The following FRMD4B variants were observed in gnomAD, a reference collection of about 807,000 sequenced individuals.
FRMD4B encodes FERM domain-containing protein 4B.
A neutral mutation model predicts 141.5 loss-of-function variants in FRMD4B; 74 were observed. That is an observed-to-expected ratio of 0.52 (90% CI 0.43 to 0.63). The LOEUF is 0.63. FRMD4B is among the 30% of genes least tolerant of loss of function. The probability of loss-of-function intolerance (pLI) is 0.00; values close to 1 mark genes in which losing one functional copy is unlikely to be tolerated. For missense variants in FRMD4B, 1,366 were observed against 1,253.4 expected (o/e 1.09, Z -1.36); for synonymous variants, 506 against 467.9 (o/e 1.08, Z -1.05).
chr3:69,209,964 T>A (rs1354293689), intron 11 of FRMD4B, among the ~76,000 whole-genome samples: 1 of 152,192 alleles, frequency 6.6e-6, no homozygotes, highest in Non-Finnish European at 1.5e-5. Context: ...AATAACCAAG[T>A]CACTGTCTTT....
chr3:69,510,229 A>T, intron 1 of FRMD4B, among the ~76,000 whole-genome samples: 1 of 152,116 alleles, frequency 6.6e-6, no homozygotes, highest in Non-Finnish European at 1.5e-5. Flanking sequence ...GATTTTTGTT[A>T]TTAGCTCAAA....
At chr3:69,310,403 T>C (rs1286792117) in intron 3 of FRMD4B, 1 of 454,786 alleles carries the variant, frequency 2.2e-6, no homozygotes, top group Non-Finnish European at 4.4e-6. Context: ...ATTTTATGTC[T>C]GGAACACATC....
intron 5 of FRMD4B, among the ~76,000 whole-genome samples, chr3:69,280,456 T>G (rs1254665140): frequency 6.6e-6 from 1 of 152,072 alleles, no homozygotes; most frequent in Non-Finnish European, 1.5e-5. Context: ...AAGTGTTGCT[T>G]TGTCCCGAGT....
chr3:69,413,895 A>C (rs1704804206), intron 2 of FRMD4B, among the ~76,000 whole-genome samples: 1 of 152,150 alleles, frequency 6.6e-6, no homozygotes, highest in Admixed American at 6.5e-5. Flanking sequence ...AAGTGGAGAG[A>C]AATTTCTATT....
chr3:69,534,504 G>T (rs1208214778), intron 1 of FRMD4B, among the ~76,000 whole-genome samples: 2 of 152,198 alleles, frequency 1.3e-5, no homozygotes, highest in African/African-American at 4.8e-5. Flanking sequence ...TCTAAGTCCA[G>T]TGCTCCTGAA....
intron 17 of FRMD4B, among the ~76,000 whole-genome samples, chr3:69,193,205 T>C (rs2107641116): frequency 6.6e-6 from 1 of 152,198 alleles, no homozygotes; most frequent in African/African-American, 2.4e-5. Flanking sequence ...TCCAAACAAT[T>C]TTTATCCTAA....
At chr3:69,453,634 A>G (rs1422688166) in intron 1 of FRMD4B, among the ~76,000 whole-genome samples, 1 of 152,172 alleles carries the variant, frequency 6.6e-6, no homozygotes, top group Non-Finnish European at 1.5e-5. Flanking sequence ...TAGAAAACCA[A>G]TCTCAGCATG....
chr3:69,540,693 G>T (rs1463618539), intron 1 of FRMD4B, among the ~76,000 whole-genome samples: 1 of 78,726 alleles, frequency 1.3e-5, no homozygotes, highest in African/African-American at 6.4e-5. Context: ...ACACACACAC[G>T]GCAGTTATTG....
intron 1 of FRMD4B, among the ~76,000 whole-genome samples, chr3:69,469,453 T>C (rs1418715587): frequency 1.3e-5 from 2 of 152,212 alleles, no homozygotes; most frequent in Non-Finnish European, 2.9e-5. Flanking sequence ...ATCCCTTTCA[T>C]CTCTTCTTTT....
At chr3:69,186,576 A>G (rs1374454856) in intron 19 of FRMD4B, among the ~76,000 whole-genome samples, 1 of 152,128 alleles carries the variant, frequency 6.6e-6, no homozygotes, top group Non-Finnish European at 1.5e-5. Flanking sequence ...GCCAGGCATG[A>G]TGGCGCGTGC....
chr3:69,422,180 A>G (rs937564467), intron 2 of FRMD4B, among the ~76,000 whole-genome samples: 2 of 152,118 alleles, frequency 1.3e-5, no homozygotes, highest in African/African-American at 4.8e-5. Context: ...ACTTGAGGTC[A>G]GAAGATCGAG....
chr3:69,222,227 C>T (rs2093202967), intron 8 of FRMD4B, among the ~76,000 whole-genome samples: 3 of 151,940 alleles, frequency 2.0e-5, no homozygotes, highest in Admixed American at 2.0e-4. Flanking sequence ...AATCCCAGCA[C>T]TTTAGGAGGC....
intron 5 of FRMD4B, among the ~76,000 whole-genome samples, chr3:69,265,581 G>A (rs1323966228): frequency 6.7e-6 from 1 of 150,344 alleles, no homozygotes; most frequent in Non-Finnish European, 1.5e-5. Flanking sequence ...CCGAGTAGCT[G>A]GGACTATAGG....
intron 1 of FRMD4B, among the ~76,000 whole-genome samples, chr3:69,476,272 C>T (rs911168689): frequency 2.6e-5 from 4 of 152,022 alleles, no homozygotes; most frequent in Non-Finnish European, 5.9e-5. Context: ...ACATGAAGTC[C>T]TTGCCCATGC....
In FRMD4B at chr3:69,277,908, T is replaced by C. The variant is rs541711171; in HGVS notation, c.501+9844A>G. On this transcript the variant is annotated intron_variant, in intron 5 of 22. Coordinates refer to ENST00000398540, the MANE Select transcript of FRMD4B (RefSeq NM_015123.3). ...TCTCGCTCTGTCTCCCAGGCTGGAG[T>C]ACAGTGGCCCGATCTCGGCTCACTA... Among the ~76,000 whole-genome samples, 14 of 150,222 alleles carry C rather than the reference T, an allele frequency of 9.3e-5. No individual in the cohort carries two copies. In the East Asian group the frequency reaches 2.8e-3, roughly 30 times the overall value.
chr3:69,534,507 C>A (rs917686820), intron 1 of FRMD4B, among the ~76,000 whole-genome samples: 11 of 152,200 alleles, frequency 7.2e-5, no homozygotes, highest in African/African-American at 2.7e-4. Context: ...AAGTCCAGTG[C>A]TCCTGAACTG....
intron 5 of FRMD4B, among the ~76,000 whole-genome samples, chr3:69,282,766 T>C (rs1236736648): frequency 2.0e-5 from 3 of 151,608 alleles, no homozygotes; most frequent in Non-Finnish European, 4.4e-5. Flanking sequence ...GCCTCCGGAG[T>C]AGGTGGAATT....
At chr3:69,353,100 AAAAG>A (rs981195069) in intron 1 of FRMD4B, among the ~76,000 whole-genome samples, 6 of 152,026 alleles carry the variant, frequency 3.9e-5, no homozygotes, top group Admixed American at 6.6e-5. Context: ...TTTAAAAAAA[AAAAG>A]AAGAAGAAAA....
At chr3:69,408,812 C>T (rs1355938686) in intron 2 of FRMD4B, among the ~76,000 whole-genome samples, 2 of 151,972 alleles carry the variant, frequency 1.3e-5, no homozygotes, top group Admixed American at 6.6e-5. Context: ...AGGGAAGAGT[C>T]GACGACTGGA....
Sources: allele counts gnomAD v4.1 joint callset (sites outside exome capture counted in the v4.1 genomes callset), GRCh38; gene constraint gnomAD v4.1.1; transcripts MANE v1.5; gene names NCBI Gene and HGNC (gene_info 2026-07-23, HGNC 2026-07-21).